The following PCSK2 variants were observed in gnomAD, a reference collection of about 807,000 sequenced individuals.
The protein encoded by PCSK2 is neuroendocrine convertase 2.
Under a neutral mutation model 69.7 loss-of-function variants are expected in PCSK2, and 14 were observed. The observed-to-expected ratio is 0.20, with a 90% confidence interval of 0.13 to 0.31. The LOEUF (loss-of-function observed/expected upper bound fraction) is 0.31, where lower values mean the gene tolerates loss of function less well. PCSK2 is among the 10% of genes least tolerant of loss of function. PCSK2 has a pLI of 1.00. For synonymous variants in PCSK2, 307 were observed against 320.7 expected (o/e 0.96, Z 0.46); for missense variants, 544 against 842.5 (o/e 0.65, Z 4.39).
At chr20:17,405,715 T>G (rs189156737) in intron 5 of PCSK2, among the ~76,000 whole-genome samples, 1 of 152,328 alleles carries the variant, frequency 6.6e-6, no homozygotes, top group Admixed American at 6.5e-5. Context: ...TCATCTTTCT[T>G]CCTAATTATG....
At position 17,482,001 on chromosome 20, in the gene PCSK2, A is replaced by G. The variant is rs1478300589; in HGVS notation, c.1848A>G (p.Lys616=). The G allele has an allele frequency of 6.2e-7, 1 of 1,612,422 alleles. No individual in the cohort carries two copies. The highest frequency in any genetic ancestry group is 1.7e-5 in the Admixed American group (1 of 59,966). ...DYQSKLAMSK[K]EELEEELDEA... ...AGTCCAAGTTGGCCATGTCCAAGAA[A>G]GAGGAGCTGGAGGAAGAGCTGGACG... Residue 616 remains lysine, a synonymous_variant, in exon 12 of 12, where the codon AAA becomes AAG. Coordinates refer to ENST00000262545, the MANE Select transcript of PCSK2 (RefSeq NM_002594.5).
At chr20:17,266,668 G>GAAGA (rs1987616474) in intron 2 of PCSK2, among the ~76,000 whole-genome samples, 3 of 152,174 alleles carry the variant, frequency 2.0e-5, no homozygotes, top group Non-Finnish European at 4.4e-5. Flanking sequence ...GAGAACACTG[G>GAAGA]GCAAAGGGAG....
At chr20:17,431,575 G>A (rs1344316826) in intron 7 of PCSK2, among the ~76,000 whole-genome samples, 1 of 152,152 alleles carries the variant, frequency 6.6e-6, no homozygotes, top group Non-Finnish European at 1.5e-5. Flanking sequence ...TTTGAGCAAG[G>A]GAGGCTCCTT....
intron 5 of PCSK2, among the ~76,000 whole-genome samples, chr20:17,380,298 C>T (rs1296695788): frequency 6.6e-6 from 1 of 152,198 alleles, no homozygotes. Context: ...GACCACTCCT[C>T]AGTTTTTACT....
At chr20:17,228,637 T>C (rs1167487893) in intron 1 of PCSK2, among the ~76,000 whole-genome samples, 1 of 152,034 alleles carries the variant, frequency 6.6e-6, no homozygotes, top group Non-Finnish European at 1.5e-5. Context: ...CTTTTGGTTA[T>C]TGGTTTTGCC....
chr20:17,467,773 A>T (rs2033126732), intron 11 of PCSK2, among the ~76,000 whole-genome samples: 1 of 152,182 alleles, frequency 6.6e-6, no homozygotes, highest in East Asian at 1.9e-4. Flanking sequence ...GGGAGACTTT[A>T]GCAACACACA....
chr20:17,295,744 G>A (rs1457851479), intron 2 of PCSK2, among the ~76,000 whole-genome samples: 1 of 151,762 alleles, frequency 6.6e-6, no homozygotes, highest in Non-Finnish European at 1.5e-5. Flanking sequence ...TTGTAGAGAC[G>A]GGGGTCTTAC....
At chr20:17,266,913 A>G (rs1987632157) in intron 2 of PCSK2, among the ~76,000 whole-genome samples, 1 of 152,190 alleles carries the variant, frequency 6.6e-6, no homozygotes. Flanking sequence ...CACATTTAGC[A>G]GCTGGAGGAA....
intron 2 of PCSK2, among the ~76,000 whole-genome samples, chr20:17,302,734 C>A (rs552130392): frequency 6.6e-6 from 1 of 152,242 alleles, no homozygotes; most frequent in South Asian, 2.1e-4. Context: ...TGTTTGACCC[C>A]AGTCATCAGA....
intron 2 of PCSK2, among the ~76,000 whole-genome samples, chr20:17,357,177 C>T (rs2030232665): frequency 6.6e-6 from 1 of 152,170 alleles, no homozygotes. Context: ...AAAACAAAGC[C>T]TAGCCATTGC....
intron 5 of PCSK2, among the ~76,000 whole-genome samples, chr20:17,394,301 T>C (rs144624383): frequency 2.6e-5 from 4 of 152,304 alleles, no homozygotes; most frequent in Non-Finnish European, 5.9e-5. Context: ...ATCTGATACA[T>C]TTGTTGAGAG....
chr20:17,275,267 T>A (rs1299336198), intron 2 of PCSK2, among the ~76,000 whole-genome samples: 1 of 152,108 alleles, frequency 6.6e-6, no homozygotes. Flanking sequence ...AAGCAATGCA[T>A]CCCTTTTGGT....
intron 2 of PCSK2, among the ~76,000 whole-genome samples, chr20:17,299,626 C>T (rs1989010544): frequency 6.6e-6 from 1 of 151,952 alleles, no homozygotes. Flanking sequence ...CTCAGCCCAT[C>T]TTCCATTTCT....
At chr20:17,450,399 A>C (rs1226015466) in intron 8 of PCSK2, among the ~76,000 whole-genome samples, 2 of 152,132 alleles carry the variant, frequency 1.3e-5, no homozygotes, top group African/African-American at 4.8e-5. Flanking sequence ...TGAAGACTGA[A>C]TAGGATAATA....
At chr20:17,421,910 T>C (rs980685990) in intron 6 of PCSK2, among the ~76,000 whole-genome samples, 5 of 145,306 alleles carry the variant, frequency 3.4e-5, no homozygotes, top group Middle Eastern at 3.6e-3. Context: ...AAAATACACC[T>C]AAAAAAACTA....
At chr20:17,231,308 T>A (rs1023611481) in intron 1 of PCSK2, among the ~76,000 whole-genome samples, 6 of 152,228 alleles carry the variant, frequency 3.9e-5, no homozygotes, top group African/African-American at 1.4e-4. Flanking sequence ...AAAAAATTAA[T>A]AAATTTCTGG....
chr20:17,315,075 C>T (rs972505003), intron 2 of PCSK2, among the ~76,000 whole-genome samples: 4 of 152,158 alleles, frequency 2.6e-5, no homozygotes, highest in Non-Finnish European at 4.4e-5. Flanking sequence ...GAAGTCTCCC[C>T]GAGAAAACCC....
At chr20:17,444,066 G>C (rs981069027) in intron 8 of PCSK2, among the ~76,000 whole-genome samples, 16 of 152,188 alleles carry the variant, frequency 1.1e-4, no homozygotes, top group African/African-American at 3.9e-4. Context: ...GGTTCATTGT[G>C]CATTAGCGAA....
chr20:17,434,527 G>A (rs910451831), intron 7 of PCSK2, among the ~76,000 whole-genome samples: 2 of 152,168 alleles, frequency 1.3e-5, no homozygotes, highest in African/African-American at 4.8e-5. Flanking sequence ...ACCCTATAAT[G>A]TTAAAACAGT....
Sources: allele counts gnomAD v4.1 joint callset (sites outside exome capture counted in the v4.1 genomes callset), GRCh38; gene constraint gnomAD v4.1.1; transcripts MANE v1.5; gene names NCBI Gene and HGNC (gene_info 2026-07-23, HGNC 2026-07-21).